Variants in ADCY2 observed in about 807,000 individuals in gnomAD.
ADCY2 encodes the protein adenylate cyclase type 2.
In ADCY2, 31 loss-of-function variants were observed where a neutral mutation model predicts 125.2. That is an observed-to-expected ratio of 0.25 (90% CI 0.19 to 0.33). The LOEUF is 0.33. ADCY2 is among the 10% of genes least tolerant of loss of function. The pLI, the probability that ADCY2 is intolerant of heterozygous loss-of-function variation, is 1.00. For missense variants in ADCY2, 904 were observed against 1,418.2 expected, an observed-to-expected ratio of 0.64 and a Z score of 5.82; for synonymous variants, 512 against 548.4, an observed-to-expected ratio of 0.93 and a Z score of 0.93.
At chr5:7,553,640 A>T (rs905247865) in intron 3 of ADCY2, among the ~76,000 whole-genome samples, 4 of 152,204 alleles carry the variant, frequency 2.6e-5, no homozygotes, top group Admixed American at 6.5e-5. Flanking sequence ...GCAGACAAGC[A>T]TGACATTGCT....
At chr5:7,705,826 C>A (rs1315482037) in intron 7 of ADCY2, among the ~76,000 whole-genome samples, 1 of 152,112 alleles carries the variant, frequency 6.6e-6, no homozygotes, top group African/African-American at 2.4e-5. Context: ...ATTTTTATAT[C>A]GTGGGTCCGT....
At chr5:7,531,125 G>T (rs1202542315) in intron 3 of ADCY2, among the ~76,000 whole-genome samples, 1 of 152,134 alleles carries the variant, frequency 6.6e-6, no homozygotes, top group East Asian at 1.9e-4. Context: ...TTGAGACACA[G>T]TTCCTCAAAT....
rs754711706 is a variant in ADCY2 at position 7,396,497 on chromosome 5, G to T, written c.201G>T (p.Ala67=). ...SCLALLAVFF[A]LGLEVEDHVA... ...TCGCCCTGCTCGCCGTCTTCTTCGC[G>T]CTCGGGCTGGTGAGTGGCCTCCCCG... is the stretch of plus-strand genomic sequence containing the variant. Residue 67 remains alanine, a synonymous_variant, in exon 1 of 25, where the codon GCG becomes GCT. Transcript: ENST00000338316. This position sits in a 1 kb window ranked among gnomAD's most constrained non-coding sequence, Gnocchi z 5.7. 4 of 1,563,364 alleles carry T rather than the reference G, an allele frequency of 2.6e-6. No homozygotes were observed. Among genetic ancestry groups the T allele is most frequent in the Non-Finnish European group, 3.5e-6 (4 of 1,155,562 alleles).
chr5:7,739,379 G>A (rs1166473753), intron 14 of ADCY2, among the ~76,000 whole-genome samples: 1 of 151,830 alleles, frequency 6.6e-6, no homozygotes, highest in Non-Finnish European at 1.5e-5. Context: ...ATATCAAAAC[G>A]TAATGTATCA....
chr5:7,558,530 G>T (rs1025458399), intron 3 of ADCY2, among the ~76,000 whole-genome samples: 2 of 152,064 alleles, frequency 1.3e-5, no homozygotes, highest in Non-Finnish European at 2.9e-5. Flanking sequence ...TTTTAATGGG[G>T]TGGTTTGTTT....
At chr5:7,649,303 A>T (rs572926199) in intron 4 of ADCY2, among the ~76,000 whole-genome samples, 1 of 152,276 alleles carries the variant, frequency 6.6e-6, no homozygotes, top group African/African-American at 2.4e-5. Context: ...TGGACATTGC[A>T]TTTATTTATG....
At chr5:7,436,128 A>T (rs768023539) in intron 2 of ADCY2, among the ~76,000 whole-genome samples, 1 of 152,256 alleles carries the variant, frequency 6.6e-6, no homozygotes, top group African/African-American at 2.4e-5. Context: ...TATTAAATAC[A>T]GTATCTTTAA....
chr5:7,686,991 C>T, intron 4 of ADCY2, among the ~76,000 whole-genome samples: 1 of 152,170 alleles, frequency 6.6e-6, no homozygotes, highest in East Asian at 1.9e-4. Context: ...AGGTGCAGTG[C>T]TATCTACCAT....
At chr5:7,821,142 G>T (rs369549614) in intron 24 of ADCY2, among the ~76,000 whole-genome samples, 10 of 152,308 alleles carry the variant, frequency 6.6e-5, no homozygotes, top group African/African-American at 2.2e-4. Flanking sequence ...GAAACAGAAG[G>T]TTGATATGAA....
intron 2 of ADCY2, among the ~76,000 whole-genome samples, chr5:7,415,484 T>G (rs915895643): frequency 2.6e-5 from 4 of 152,182 alleles, no homozygotes; most frequent in African/African-American, 9.7e-5. Flanking sequence ...GAGTGCCTTG[T>G]CTAGGCTTCC....
Position 7,532,150 on chromosome 5 carries a change from T to G in ADCY2, c.570+11251T>G, listed in dbSNP as rs1734670413. Among the ~76,000 whole-genome samples the G allele has an allele frequency of 4.6e-5, 7 of 152,226 alleles. No homozygotes were observed. The South Asian group carries it at 1.4e-3, about 31-fold the overall frequency. On this transcript the variant is annotated intron_variant, in intron 3 of 24. Coordinates refer to ENST00000338316, the MANE Select transcript of ADCY2 (RefSeq NM_020546.3). Reference sequence around the variant, plus strand: ...AATTTCACCCTTGTTGAAACAAAACTATCATCCATAGAGCAAACAGAGAAA... The same window carrying G: ...AATTTCACCCTTGTTGAAACAAAACGATCATCCATAGAGCAAACAGAGAAA...
At chr5:7,470,635 TG>T (rs1456451710) in intron 2 of ADCY2, among the ~76,000 whole-genome samples, 9 of 42,596 alleles carry the variant, frequency 2.1e-4, no homozygotes, top group African/African-American at 5.9e-4. Context: ...ACTGTATATA[TG>T]TGTGTGTGTG....
chr5:7,463,549 C>T (rs1392335396), intron 2 of ADCY2, among the ~76,000 whole-genome samples: 2 of 148,418 alleles, frequency 1.3e-5, no homozygotes, highest in Non-Finnish European at 3.0e-5. Flanking sequence ...GATTTTTCTA[C>T]TTGAAGCTGT....
At chr5:7,493,004 G>A (rs540316777) in intron 2 of ADCY2, among the ~76,000 whole-genome samples, 1 of 152,310 alleles carries the variant, frequency 6.6e-6, no homozygotes, top group South Asian at 2.1e-4. Flanking sequence ...CTCAGCCGGG[G>A]TTCTGAGCTA....
intron 2 of ADCY2, among the ~76,000 whole-genome samples, chr5:7,466,342 C>A (rs1206119830): frequency 6.6e-6 from 1 of 152,140 alleles, no homozygotes; most frequent in African/African-American, 2.4e-5. Context: ...CAACTAATAT[C>A]TATAGAGCAT....
intron 10 of ADCY2, among the ~76,000 whole-genome samples, chr5:7,711,850 G>A (rs1741451001): frequency 6.6e-6 from 1 of 152,160 alleles, no homozygotes; most frequent in Non-Finnish European, 1.5e-5. Context: ...CTTTAAGAAA[G>A]CCCCAAGTTT....
At chr5:7,710,814 C>G (rs1286719498) in intron 10 of ADCY2, among the ~76,000 whole-genome samples, 1 of 152,082 alleles carries the variant, frequency 6.6e-6, no homozygotes, top group Admixed American at 6.5e-5. Flanking sequence ...AATGATACCC[C>G]CTTATTCTAA....
chr5:7,618,196 C>T (rs1008920942), intron 3 of ADCY2, among the ~76,000 whole-genome samples: 3 of 152,110 alleles, frequency 2.0e-5, no homozygotes, highest in South Asian at 2.1e-4. Flanking sequence ...ATTTCTATAC[C>T]TCTGTGCAAT....
At chr5:7,733,018 G>A (rs1173448418) in intron 14 of ADCY2, among the ~76,000 whole-genome samples, 2 of 152,176 alleles carry the variant, frequency 1.3e-5, no homozygotes, top group Non-Finnish European at 2.9e-5. Context: ...GATCAAGCAT[G>A]AATTGCTTTT....
Sources: allele counts gnomAD v4.1 joint callset (sites outside exome capture counted in the v4.1 genomes callset), GRCh38; gene constraint gnomAD v4.1.1; non-coding constraint Gnocchi (gnomAD v3.1); transcripts MANE v1.5; gene names NCBI Gene and HGNC (gene_info 2026-07-23, HGNC 2026-07-21).